Variants in MBNL2 observed in about 807,000 individuals in gnomAD.
MBNL2 encodes muscleblind-like protein 2.
MBNL2 carries 17 observed loss-of-function variants against 41.9 expected under a neutral mutation model. The ratio of observed to expected loss-of-function variants is 0.41; its 90% CI spans 0.28 to 0.61. The LOEUF is 0.61. MBNL2 is among the 20% of genes least tolerant of loss of function. The pLI is 0.35. For synonymous variants in MBNL2, 195 were observed against 182.9 expected, an observed-to-expected ratio of 1.07 and a Z score of -0.53; for missense variants, 336 against 505.6, an observed-to-expected ratio of 0.66 and a Z score of 3.22.
intron 8 of MBNL2, among the ~76,000 whole-genome samples, chr13:97,369,989 T>TA (rs1157850454): frequency 6.6e-6 from 1 of 152,120 alleles, no homozygotes; most frequent in African/African-American, 2.4e-5. Context: ...AACCTCTTAT[T>TA]ATGTGCCAGG....
the MBNL2 span, among the ~76,000 whole-genome samples, chr13:97,168,850 A>T: frequency 1.4e-4 from 22 of 152,210 alleles, 1 homozygote; most frequent in Non-Finnish European, 1.0e-4. Flanking sequence ...AGCAATTTAC[A>T]AAGTGCTTTC....
the MBNL2 span, among the ~76,000 whole-genome samples, chr13:97,188,936 C>G: frequency 6.6e-6 from 1 of 152,204 alleles, no homozygotes; most frequent in Non-Finnish European, 1.5e-5. Flanking sequence ...CACACAGACT[C>G]ATCTGTCCCT....
the MBNL2 span, among the ~76,000 whole-genome samples, chr13:97,208,577 G>A: frequency 2.0e-5 from 3 of 152,128 alleles, no homozygotes; most frequent in African/African-American, 7.2e-5. Flanking sequence ...CCTATTACAG[G>A]CCATGTAAAA....
At chr13:97,214,573 C>A in the MBNL2 span, among the ~76,000 whole-genome samples, 1 of 152,168 alleles carries the variant, frequency 6.6e-6, no homozygotes, top group Non-Finnish European at 1.5e-5. Context: ...CCATGTTCAG[C>A]CTGGCCCCTC....
At chr13:97,214,009 C>G in the MBNL2 span, among the ~76,000 whole-genome samples, 1 of 152,226 alleles carries the variant, frequency 6.6e-6, no homozygotes, top group South Asian at 2.1e-4. Flanking sequence ...GCTACAGAGA[C>G]TCCTACAATC....
the MBNL2 span, among the ~76,000 whole-genome samples, chr13:97,214,849 G>A: frequency 6.6e-6 from 1 of 152,196 alleles, no homozygotes; most frequent in Non-Finnish European, 1.5e-5. Context: ...TAGCAGTCAG[G>A]AGCTGCAAAA....
the MBNL2 span, among the ~76,000 whole-genome samples, chr13:97,149,872 C>G: frequency 6.6e-6 from 1 of 152,198 alleles, no homozygotes; most frequent in Admixed American, 6.5e-5. Context: ...TCTCCCTCCT[C>G]TCTCTGCAGG....
chr13:97,315,116 A>G (rs903256930), intron 2 of MBNL2, among the ~76,000 whole-genome samples: 1 of 152,188 alleles, frequency 6.6e-6, no homozygotes, highest in African/African-American at 2.4e-5. Flanking sequence ...CACCATATCT[A>G]TATTTAAAAT....
chr13:97,311,055 C>T (rs915192432), intron 2 of MBNL2, among the ~76,000 whole-genome samples: 1 of 152,084 alleles, frequency 6.6e-6, no homozygotes, highest in Admixed American at 6.5e-5. Flanking sequence ...CATTAAAAGC[C>T]ATGCAAAAAT....
At chr13:97,159,802 C>A in the MBNL2 span, among the ~76,000 whole-genome samples, 2,374 of 151,352 alleles carry the variant, frequency 0.016, 72 homozygotes, top group African/African-American at 0.054. Flanking sequence ...GAGGGTAACC[C>A]GACCTTTCTC....
At chr13:97,227,583 C>G (rs1184480140) in intron 1 of MBNL2, among the ~76,000 whole-genome samples, 1 of 152,172 alleles carries the variant, frequency 6.6e-6, no homozygotes, top group Admixed American at 6.5e-5. Context: ...ACTTAGGGCA[C>G]TCTGGCAAGG....
At chr13:97,359,229 A>G (rs2063212072) in intron 7 of MBNL2, among the ~76,000 whole-genome samples, 1 of 152,088 alleles carries the variant, frequency 6.6e-6, no homozygotes, top group Non-Finnish European at 1.5e-5. Flanking sequence ...GGTTTCTACA[A>G]AGTGTGTCAT....
chr13:97,281,603 A>C (rs140060307), intron 2 of MBNL2, among the ~76,000 whole-genome samples: 1 of 152,318 alleles, frequency 6.6e-6, no homozygotes, highest in East Asian at 1.9e-4. Context: ...TCATGTTCTT[A>C]AATTGCTGCT....
chr13:97,250,578 C>T (rs2046326137), intron 1 of MBNL2, among the ~76,000 whole-genome samples: 1 of 151,920 alleles, frequency 6.6e-6, no homozygotes, highest in Admixed American at 6.6e-5. Flanking sequence ...CCTTTCTGAC[C>T]CTCCTTTTAG....
At chr13:97,290,364 CA>C (rs563380292) in intron 2 of MBNL2, among the ~76,000 whole-genome samples, 51 of 150,944 alleles carry the variant, frequency 3.4e-4, no homozygotes, top group African/African-American at 1.2e-3. Flanking sequence ...TGGGAAGTGA[CA>C]AAAAAAAATC....
At chr13:97,285,927 T>G (rs2054340161) in intron 2 of MBNL2, among the ~76,000 whole-genome samples, 1 of 152,200 alleles carries the variant, frequency 6.6e-6, no homozygotes, top group African/African-American at 2.4e-5. Flanking sequence ...ACTTAGTCCT[T>G]GAACATCTTC....
At chr13:97,146,877 G>T in the MBNL2 span, among the ~76,000 whole-genome samples, 2 of 152,176 alleles carry the variant, frequency 1.3e-5, no homozygotes, top group South Asian at 2.1e-4. Context: ...AAACCATACT[G>T]CCATCCCTCA....
the MBNL2 span, among the ~76,000 whole-genome samples, chr13:97,167,399 AAAAG>A: frequency 6.6e-6 from 1 of 152,080 alleles, no homozygotes; most frequent in Non-Finnish European, 1.5e-5. Context: ...TAAAAAAAAA[AAAAG>A]AAAAAAAGTG....
intron 1 of MBNL2, among the ~76,000 whole-genome samples, chr13:97,236,118 C>T (rs1448061024): frequency 6.6e-6 from 1 of 152,126 alleles, no homozygotes; most frequent in Non-Finnish European, 1.5e-5. Flanking sequence ...GCAAGGACTG[C>T]ATTTACCGAC....
Sources: allele counts gnomAD v4.1 joint callset (sites outside exome capture counted in the v4.1 genomes callset), GRCh38; gene constraint gnomAD v4.1.1; transcripts MANE v1.5; gene names NCBI Gene and HGNC (gene_info 2026-07-23, HGNC 2026-07-21).